The following PTPRK variants were observed in gnomAD, a reference collection of about 807,000 sequenced individuals.
PTPRK encodes the protein receptor-type tyrosine-protein phosphatase kappa.
PTPRK carries 75 observed loss-of-function variants against 178.0 expected under a neutral mutation model. That is an observed-to-expected ratio of 0.42 (90% confidence interval 0.35 to 0.51). The LOEUF (loss-of-function observed/expected upper bound fraction) is 0.51. Ranked by LOEUF, PTPRK falls within the 20% of genes least tolerant of loss-of-function variation. The pLI, the probability that PTPRK is intolerant of heterozygous loss-of-function variation, is 0.02. For synonymous variants in PTPRK, 637 were observed against 620.6 expected (o/e 1.03, Z -0.39); for missense variants, 1,441 against 1,797.8 (o/e 0.80, Z 3.59).
At chr6:128,416,483 T>C (rs1410657336) in intron 1 of PTPRK, among the ~76,000 whole-genome samples, 1 of 146,318 alleles carries the variant, frequency 6.8e-6, no homozygotes, top group Non-Finnish European at 1.5e-5. Flanking sequence ...CTACTAAAAA[T>C]ACAAAAAAAA....
chr6:128,205,247 A>G (rs1229641062), intron 6 of PTPRK, among the ~76,000 whole-genome samples: 2 of 152,100 alleles, frequency 1.3e-5, no homozygotes, highest in African/African-American at 4.8e-5. Context: ...AACAACACAC[A>G]CTGGGGCCTG....
chr6:128,470,259 C>CAT (rs34303350), intron 1 of PTPRK, among the ~76,000 whole-genome samples: 33,787 of 147,576 alleles, frequency 0.23, 3,995 homozygotes, highest in African/African-American at 0.26. Flanking sequence ...TCTCAGTTTT[C>CAT]ATATATATAT....
rs141061896 is a variant in PTPRK at position 128,449,964 on chromosome 6, C to A, written c.101-52276G>T. Among the ~76,000 whole-genome samples, 663 of 149,434 alleles carry A rather than the reference C, an allele frequency of 4.4e-3. 3 individuals are homozygous for A. The highest frequency in any genetic ancestry group is 7.5e-3 in the Non-Finnish European group (504 of 67,416). On this transcript the variant is annotated intron_variant, in intron 1 of 29. Coordinates refer to ENST00000368226, the MANE Select transcript of PTPRK (RefSeq NM_002844.4). Reference sequence around the variant, plus strand: ...TGCAAAAAAAAAAAAAAAAAATTGCCAGGCATAATGGCACACGCCTGTTAT... The same window carrying A: ...TGCAAAAAAAAAAAAAAAAAATTGCAAGGCATAATGGCACACGCCTGTTAT...
intron 7 of PTPRK, among the ~76,000 whole-genome samples, chr6:128,141,315 T>C (rs967535947): frequency 2.0e-5 from 3 of 151,806 alleles, no homozygotes; most frequent in African/African-American, 7.2e-5. Context: ...GTACAAATTA[T>C]TGACAAATAA....
At chr6:128,321,922 G>A (rs763389699) in intron 3 of PTPRK, 117 bp downstream of exon 3, 19 of 1,322,822 alleles carry the variant, frequency 1.4e-5, no homozygotes, top group Non-Finnish European at 2.0e-5. Flanking sequence ...AATGGGGGTG[G>A]GGGAGGCAAG....
intron 13 of PTPRK, among the ~76,000 whole-genome samples, chr6:128,054,729 G>T (rs1779614008): frequency 6.6e-6 from 1 of 152,104 alleles, no homozygotes; most frequent in Non-Finnish European, 1.5e-5. Context: ...TTACTTAAAA[G>T]AATACAAACT....
At chr6:128,191,465 T>C (rs1357615958) in intron 6 of PTPRK, among the ~76,000 whole-genome samples, 1 of 151,998 alleles carries the variant, frequency 6.6e-6, no homozygotes, top group Non-Finnish European at 1.5e-5. Flanking sequence ...GTACAGAATT[T>C]GTTCAGATGA....
intron 3 of PTPRK, among the ~76,000 whole-genome samples, chr6:128,317,311 A>G (rs959471708): frequency 2.6e-5 from 4 of 152,162 alleles, no homozygotes; most frequent in African/African-American, 9.7e-5. Context: ...ACAAACATGA[A>G]AGTATCCAGC....
intron 3 of PTPRK, among the ~76,000 whole-genome samples, chr6:128,292,691 C>A (rs1373267789): frequency 1.3e-5 from 2 of 152,000 alleles, no homozygotes; most frequent in Non-Finnish European, 2.9e-5. Flanking sequence ...CCTATGAATT[C>A]TTTCTTTGCC....
chr6:127,992,229 G>C (rs1486328422), intron 19 of PTPRK, among the ~76,000 whole-genome samples: 2 of 151,628 alleles, frequency 1.3e-5, no homozygotes, highest in Admixed American at 6.6e-5. Flanking sequence ...CCATCTCTTT[G>C]TTTTGTCTCA....
chr6:128,009,636 T>C (rs555279622), intron 13 of PTPRK, among the ~76,000 whole-genome samples: 2 of 151,394 alleles, frequency 1.3e-5, no homozygotes, highest in Non-Finnish European at 3.0e-5. Context: ...ATTCAGCAAA[T>C]GCTTCTTGAC....
intron 2 of PTPRK, among the ~76,000 whole-genome samples, chr6:128,380,856 G>A (rs1837807314): frequency 6.6e-6 from 1 of 152,040 alleles, no homozygotes; most frequent in African/African-American, 2.4e-5. Context: ...TCTGAAAACA[G>A]GTTAAAAAAT....
intron 2 of PTPRK, among the ~76,000 whole-genome samples, chr6:128,371,141 A>G (rs1836216660): frequency 6.6e-6 from 1 of 152,196 alleles, no homozygotes; most frequent in Admixed American, 6.5e-5. Flanking sequence ...CTCACCACCC[A>G]ATCAGCAAAA....
intron 13 of PTPRK, among the ~76,000 whole-genome samples, chr6:128,060,299 G>A (rs1780597171): frequency 6.6e-6 from 1 of 152,112 alleles, no homozygotes; most frequent in Non-Finnish European, 1.5e-5. Flanking sequence ...TACTTTGACT[G>A]TAAAATTTAA....
At chr6:128,236,039 C>G (rs1562843045) in intron 5 of PTPRK, among the ~76,000 whole-genome samples, 1 of 151,902 alleles carries the variant, frequency 6.6e-6, no homozygotes, top group Non-Finnish European at 1.5e-5. Flanking sequence ...TAAACTTGAT[C>G]ATAGGTATGT....
intron 2 of PTPRK, among the ~76,000 whole-genome samples, chr6:128,391,027 T>C (rs563794198): frequency 3.3e-5 from 5 of 152,210 alleles, no homozygotes; most frequent in African/African-American, 1.2e-4. Flanking sequence ...AAGGGGTAGA[T>C]GGTGAGAATG....
At chr6:128,416,665 AG>A (rs1302360762) in intron 1 of PTPRK, among the ~76,000 whole-genome samples, 12 of 150,232 alleles carry the variant, frequency 8.0e-5, no homozygotes, top group African/African-American at 2.5e-4. Flanking sequence ...AAAAAAAAAA[AG>A]AACTGGAGAG....
chr6:128,063,563 T>C (rs750689522), intron 13 of PTPRK: 2 of 152,194 alleles, frequency 1.3e-5, no homozygotes, highest in African/African-American at 2.4e-5. Flanking sequence ...AAATGCTTTC[T>C]TCTATTATCT....
At chr6:128,228,587 G>A (rs1016080148) in intron 5 of PTPRK, among the ~76,000 whole-genome samples, 1 of 150,990 alleles carries the variant, frequency 6.6e-6, no homozygotes, top group Non-Finnish European at 1.5e-5. Flanking sequence ...GTGAACCCGG[G>A]AGGCGGAGCT....
Sources: gnomAD v4.1 joint callset for allele counts (sites outside exome capture counted in the v4.1 genomes callset) on GRCh38, gnomAD v4.1.1 for gene constraint, MANE v1.5 for transcripts, NCBI Gene and HGNC (gene_info 2026-07-23, HGNC 2026-07-21) for gene names.